SATB2: variants seen among roughly 807,000 people sequenced by gnomAD.
The protein encoded by SATB2 is SATB homeobox 2, also known as DNA-binding protein SATB2.
Under a neutral mutation model 73.4 loss-of-function variants are expected in SATB2, and 1 was observed. The observed-to-expected ratio is 0.01, with a 90% CI of 0.00 to 0.06. SATB2 has a LOEUF of 0.06. Ranked by LOEUF, SATB2 falls within the 10% of genes least tolerant of loss-of-function variation. The probability of loss-of-function intolerance (pLI) is 1.00; values close to 1 mark genes in which losing one functional copy is unlikely to be tolerated. For synonymous variants in SATB2, 397 were observed against 367.0 expected, an observed-to-expected ratio of 1.08 and a Z score of -0.93; for missense variants, 459 against 945.8, an observed-to-expected ratio of 0.49 and a Z score of 6.75.
intron 10 of SATB2, among the ~76,000 whole-genome samples, chr2:199,303,523 G>A (rs1276935766): frequency 6.6e-6 from 1 of 152,138 alleles, no homozygotes; most frequent in Non-Finnish European, 1.5e-5. Context: ...ACTGGCACAA[G>A]CTTTCATTCT....
intron 3 of SATB2, among the ~76,000 whole-genome samples, chr2:199,383,146 A>G (rs1689827742): frequency 6.6e-6 from 1 of 152,232 alleles, no homozygotes; most frequent in Admixed American, 6.5e-5. Flanking sequence ...GGTGCTGAAT[A>G]TGCTGCAGTA....
At chr2:199,340,611 C>T (rs548214208) in intron 7 of SATB2, among the ~76,000 whole-genome samples, 2 of 152,184 alleles carry the variant, frequency 1.3e-5, no homozygotes, top group African/African-American at 4.8e-5. Flanking sequence ...AAACCCCATA[C>T]AACATAAATA....
At chr2:199,388,599 C>T (rs1157912290) in intron 3 of SATB2, among the ~76,000 whole-genome samples, 1 of 152,116 alleles carries the variant, frequency 6.6e-6, no homozygotes, top group Non-Finnish European at 1.5e-5. Flanking sequence ...TATAATTCAG[C>T]TGGATGGATA....
intron 3 of SATB2, among the ~76,000 whole-genome samples, chr2:199,394,999 A>C (rs1261611104): frequency 2.6e-5 from 4 of 152,178 alleles, no homozygotes; most frequent in Non-Finnish European, 4.4e-5. Flanking sequence ...TTTTGCTTTC[A>C]TTATTAACAT....
At position 199,316,557 on chromosome 2, in the gene SATB2, G is replaced by A. The variant is rs188060259; in HGVS notation, c.1542+7246C>T. ...GGGACCAATTTTTAGCTATGTCTGG[G>A]TTATCTTATGCATGTCACTGACATT... On this transcript the variant is annotated intron_variant, in intron 9 of 10. Transcript: ENST00000417098. Among the ~76,000 whole-genome samples the A allele has an allele frequency of 1.8e-3, 280 of 152,080 alleles. 1 individual carries two copies. In the Middle Eastern group the frequency reaches 0.024, roughly 13 times the overall value.
At chr2:199,382,694 G>T in intron 3 of SATB2, among the ~76,000 whole-genome samples, 1 of 152,050 alleles carries the variant, frequency 6.6e-6, no homozygotes, top group East Asian at 1.9e-4. Flanking sequence ...ACGTAACATT[G>T]ATGAAGAAAA....
At position 199,271,430 on chromosome 2, in the gene SATB2, G is replaced by T. The variant is rs1692151815; in HGVS notation, c.*781C>A. On this transcript the variant is annotated 3_prime_UTR_variant, in exon 11 of 11. Coordinates refer to ENST00000417098, the MANE Select transcript of SATB2 (RefSeq NM_001172509.2). ...TGCATTGTGTCTTTAAGATTTATTT[G>T]ACTTGTATCATTTTAATGTGCCCTG... The T allele has an allele frequency of 6.7e-6, 1 of 149,690 alleles. No homozygotes were observed. The allele number at this position is 149,690 out of a possible 1,614,324, so 9.3% of individuals were successfully genotyped here.
intron 5 of SATB2, among the ~76,000 whole-genome samples, chr2:199,371,098 G>C (rs1443691854): frequency 2.6e-5 from 4 of 152,076 alleles, no homozygotes; most frequent in Admixed American, 2.6e-4. Flanking sequence ...AGTTTTTACT[G>C]ATAAGAATTG....
intron 3 of SATB2, among the ~76,000 whole-genome samples, chr2:199,401,078 C>T (rs1287747565): frequency 6.6e-6 from 1 of 152,200 alleles, no homozygotes; most frequent in African/African-American, 2.4e-5. Flanking sequence ...CTAATATTCT[C>T]TATCACTAAA....
intron 3 of SATB2, chr2:199,396,196 C>T (rs996350778): frequency 7.2e-5 from 11 of 152,148 alleles, no homozygotes; most frequent in African/African-American, 2.7e-4. Context: ...TCATACAAAC[C>T]TCTAATTCTT....
At chr2:199,332,716 A>C (rs1207033053) in intron 7 of SATB2, among the ~76,000 whole-genome samples, 1 of 152,124 alleles carries the variant, frequency 6.6e-6, no homozygotes, top group Non-Finnish European at 1.5e-5. Context: ...TTTGATTTCC[A>C]TACTTCCTTA....
Position 199,455,813 on chromosome 2 carries a change from C to G in SATB2, c.169+56G>C. On this transcript the variant is annotated intron_variant, in intron 2 of 10. Coordinates refer to ENST00000417098, the MANE Select transcript of SATB2 (RefSeq NM_001172509.2). The surrounding 1 kb of genome is among the most constrained non-coding windows in gnomAD (Gnocchi z 4.1). ...CGCCTAATCAACCTGAACCCTGACA[C>G]CCGGGCCATTATCACTGGGCCGCGG... is the stretch of plus-strand genomic sequence containing the variant. The G allele has an allele frequency of 6.6e-7, 1 of 1,522,402 alleles. No individual in the cohort carries two copies. The highest frequency in any genetic ancestry group is 1.2e-5 in the South Asian group (1 of 83,658). 94.3% of individuals were successfully genotyped at this position (1,522,402 alleles called of 1,614,324 possible).
At chr2:199,372,660 C>A (rs7585392) in intron 5 of SATB2, among the ~76,000 whole-genome samples, 3 of 151,988 alleles carry the variant, frequency 2.0e-5, no homozygotes, top group Non-Finnish European at 2.9e-5. Flanking sequence ...GGGAGACTAA[C>A]GAATGAATGG....
At chr2:199,336,306 C>T (rs1408220976) in intron 7 of SATB2, among the ~76,000 whole-genome samples, 1 of 152,112 alleles carries the variant, frequency 6.6e-6, no homozygotes, top group Non-Finnish European at 1.5e-5. Flanking sequence ...ATGGTTTCTA[C>T]TCACACCTCA....
rs1275957181 is a variant in SATB2 at position 199,447,785 on chromosome 2, C to T, written c.169+8084G>A. 5.4e-5 allele frequency among the ~76,000 whole-genome samples: 2 copies of T among 37,310 alleles called. 1 individual carries two copies. The highest frequency in any genetic ancestry group is 3.2e-4 in the Non-Finnish European group (2 of 6,268). The allele number at this position is 37,310 out of a possible 152,430, so 24.5% of individuals were successfully genotyped here. A position where few individuals can be genotyped will look rare whatever the true frequency, so the allele number is the denominator to read the frequency against. ...AACAGATTTTAGCTAATAAACACAACAAAGTATGCGAAAAGCACTTCAGTT... is the reference window on the plus strand; with the variant it reads ...AACAGATTTTAGCTAATAAACACAATAAAGTATGCGAAAAGCACTTCAGTT... On this transcript the variant is annotated intron_variant, in intron 2 of 10. Coordinates refer to ENST00000417098, the MANE Select transcript of SATB2 (RefSeq NM_001172509.2).
Position 199,271,608 on chromosome 2 carries a change from A to C in SATB2, c.*603T>G, listed in dbSNP as rs190042308. 1 of 152,654 alleles carries C rather than the reference A, an allele frequency of 6.6e-6. No homozygotes were observed. Among genetic ancestry groups the C allele is most frequent in the Admixed American group, 6.5e-5 (1 of 15,270 alleles). The allele number at this position is 152,654 out of a possible 1,614,324, so 9.5% of individuals were successfully genotyped here. On this transcript the variant is annotated 3_prime_UTR_variant, in exon 11 of 11. Coordinates refer to ENST00000417098, the MANE Select transcript of SATB2 (RefSeq NM_001172509.2). ...ACACAAAAAATAAATAGGAATTCAAAAATAGTCACCCCACCCTGAGAGCAG... is the reference window on the plus strand; with the variant it reads ...ACACAAAAAATAAATAGGAATTCAACAATAGTCACCCCACCCTGAGAGCAG...
chr2:199,285,008 T>C (rs1195765718), intron 10 of SATB2, among the ~76,000 whole-genome samples: 1 of 152,126 alleles, frequency 6.6e-6, no homozygotes, highest in Non-Finnish European at 1.5e-5. Flanking sequence ...TGAATTTTGT[T>C]ATCTGCAAGA....
Position 199,270,538 on chromosome 2 carries a change from G to A in SATB2, c.*1673C>T, listed in dbSNP as rs937302804. The A allele has an allele frequency of 6.6e-6, 1 of 151,680 alleles. No individual in the cohort carries two copies. Among genetic ancestry groups the A allele is most frequent in the African/African-American group, 2.4e-5 (1 of 41,272 alleles). The allele number at this position is 151,680 out of a possible 1,614,324, so 9.4% of individuals were successfully genotyped here. On this transcript the variant is annotated 3_prime_UTR_variant, in exon 11 of 11. Transcript: ENST00000417098. ...AAAAAAAAAAAAAATCCAACCATGT[G>A]GGACTGTTTAATGGCCAGTTTAAAG...
At chr2:199,328,577 G>GA (rs1688098200) in intron 8 of SATB2, 121 bp downstream of exon 8, 5 of 692,274 alleles carry the variant, frequency 7.2e-6, no homozygotes, top group African/African-American at 1.8e-5. Context: ...AATAAGAAAA[G>GA]AAAAAAAGGA....
Sources: gnomAD v4.1 joint callset for allele counts (sites outside exome capture counted in the v4.1 genomes callset) on GRCh38, gnomAD v4.1.1 for gene constraint, Gnocchi (gnomAD v3.1) non-coding constraint, MANE v1.5 for transcripts, NCBI Gene and HGNC (gene_info 2026-07-23, HGNC 2026-07-21) for gene names.